Variants in INTS1 observed in about 807,000 individuals in gnomAD.
INTS1 encodes the protein integrator complex subunit 1.
INTS1 carries 137 observed loss-of-function variants against 241.6 expected under a neutral mutation model. The ratio of observed to expected loss-of-function variants is 0.57; its 90% CI spans 0.49 to 0.65. The LOEUF is 0.65. Ranked by LOEUF, INTS1 falls within the 30% of genes least tolerant of loss-of-function variation. INTS1 has a pLI of 0.00. For synonymous variants in INTS1, 1,692 were observed against 1,337.8 expected, an observed-to-expected ratio of 1.26 and a Z score of -5.78; for missense variants, 3,073 against 3,032.2, an observed-to-expected ratio of 1.01 and a Z score of -0.32.
rs1279528597 is a variant in INTS1 at position 1,470,361 on chromosome 7, G to A, written c.*216C>T. The A allele has an allele frequency of 2.0e-6, 1 of 503,736 alleles. No homozygotes were observed. The highest frequency in any genetic ancestry group is 3.8e-5 in the Admixed American group (1 of 26,252). The allele number at this position is 503,736 out of a possible 1,614,324, so 31.2% of individuals were successfully genotyped here. A position where few individuals can be genotyped will look rare whatever the true frequency, so the allele number is the denominator to read the frequency against. On this transcript the variant is annotated 3_prime_UTR_variant, in exon 48 of 48. Coordinates refer to ENST00000404767, the MANE Select transcript of INTS1 (RefSeq NM_001080453.3). ...TCCGCGGCAGGGCTGTGGCCCAGAA[G>A]GTGAATGAGGGCTTGCTGGACGGCC...
At position 1,502,981 on chromosome 7, in the gene INTS1, C is replaced by T; in HGVS notation, c.269G>A (p.Gly90Glu). The change falls in exon 3 of 48, where the codon GGG (glycine) becomes GAG (glutamate). Residue 90 changes from glycine (G) to glutamate (E), a missense_variant. Transcript: ENST00000404767. The stretch of plus-strand genomic sequence containing the variant: ...TGCCACTGCAGCCTCAGCCAGGCGC[C>T]CCAGGGCACTCAGAGGGGGTGTGGA... ...LSSTPPLSAL[G>E]RLAEAAVAEK... is the part of the protein sequence containing the mutation. 6.2e-7 allele frequency: 1 copy of T among 1,613,800 alleles called. No homozygotes were observed. Among genetic ancestry groups the T allele is most frequent in the Non-Finnish European group, 8.5e-7 (1 of 1,179,882 alleles).
chr7:1,474,341 C>A lies in INTS1; in HGVS notation c.5656G>T (p.Ala1886Ser), dbSNP rs751331218. 1 of 1,601,806 alleles carries A rather than the reference C, an allele frequency of 6.2e-7. No individual in the cohort carries two copies. Among genetic ancestry groups the A allele is most frequent in the Admixed American group, 1.7e-5 (1 of 59,600 alleles). The change falls in exon 41 of 48, where the codon GCG (alanine) becomes TCG (serine). Residue 1886 changes from alanine to serine, a missense_variant. Coordinates refer to ENST00000404767, the MANE Select transcript of INTS1 (RefSeq NM_001080453.3). ...LLLRHLPMIA[A>S]LLHGRTHLNF... ...AGGTGGGTGCGGCCGTGCAGGAGCG[C>A]CGCGATCATGGGCAGGTGCCTGCGG...
In INTS1 at chr7:1,481,282, G is replaced by T. The variant is rs1245775436; in HGVS notation, c.3850+60C>A. On this transcript the variant is annotated intron_variant, in intron 28 of 47. Transcript: ENST00000404767. This position sits in a 1 kb window ranked among gnomAD's most constrained non-coding sequence, Gnocchi z 6.8. Reference sequence around the variant, plus strand: ...GCTCGCACCCAGGCCCCAAAAGCCTGGCCGGGCTGGGGCTCGGTCAGCGTG... The same window carrying T: ...GCTCGCACCCAGGCCCCAAAAGCCTTGCCGGGCTGGGGCTCGGTCAGCGTG... 3 of 1,600,600 alleles carry T rather than the reference G, an allele frequency of 1.9e-6. No homozygotes were observed. The highest frequency in any genetic ancestry group is 2.2e-5 in the South Asian group (2 of 90,366).
At chr7:1,499,413 C>G in intron 6 of INTS1, 53 bp from the exon 7 acceptor site, 1 of 1,546,696 alleles carries the variant, frequency 6.5e-7, no homozygotes, top group East Asian at 2.3e-5. Flanking sequence ...CCCATCCTCC[C>G]ACCCCTCCCC....
rs59817562 is a variant in INTS1 at position 1,478,030 on chromosome 7, G to T, written c.4631-94C>A. ...CTAGCCAGGGTGGGGTGTGGGGTGA[G>T]CATGTGTGGGACACAAGAGCAGAGT... On this transcript the variant is annotated intron_variant, in intron 33 of 47. Transcript: ENST00000404767. The T allele has an allele frequency of 5.1e-3, 5,278 of 1,032,494 alleles. 116 individuals carry two copies. The African/African-American group carries it at 0.051, about 10-fold the overall frequency. The allele number at this position is 1,032,494 out of a possible 1,614,324, so 64.0% of individuals were successfully genotyped here.
Position 1,470,503 on chromosome 7 carries a change from T to A in INTS1, c.*74A>T. 8.3e-7 allele frequency: 1 copy of A among 1,206,142 alleles called. No homozygotes were observed. The highest frequency in any genetic ancestry group is 2.1e-4 in the Middle Eastern group (1 of 4,838). The allele number at this position is 1,206,142 out of a possible 1,614,324, so 74.7% of individuals were successfully genotyped here. A position where few individuals can be genotyped will look rare whatever the true frequency, so the allele number is the denominator to read the frequency against. ...TCGGACAGACCAGCAACGCCCACGC[T>A]TCCTGGGCTTTGCCTCGAGGATCCC... On this transcript the variant is annotated 3_prime_UTR_variant, in exon 48 of 48. Transcript: ENST00000404767.
chr7:1,471,602 C>T lies in INTS1; in HGVS notation c.6224G>A (p.Arg2075Gln), dbSNP rs1003603356. 1.9e-6 allele frequency: 3 copies of T among 1,612,450 alleles called. No homozygotes were observed. Among genetic ancestry groups the T allele is most frequent in the South Asian group, 1.1e-5 (1 of 91,084 alleles). ...GAAGCTCAGGATCTCGGGTCTCCGC[C>T]GGGACATCTCGTCTATGTCACTCAG... Reference protein sequence around the residue: ...EVLSDIDEMSRRRPEILSFFS... With the variant: ...EVLSDIDEMSQRRPEILSFFS... Residue 2075 changes from arginine (R) to glutamine (Q), a missense_variant, in exon 45 of 48, where the codon CGG (arginine) becomes CAG (glutamine). Coordinates refer to ENST00000404767, the MANE Select transcript of INTS1 (RefSeq NM_001080453.3).
At position 1,480,894 on chromosome 7, in the gene INTS1, C is replaced by A. The variant is rs200783222; in HGVS notation, c.3890G>T (p.Gly1297Val). The change falls in exon 29 of 48, where the codon GGC (glycine) becomes GTC (valine). Residue 1297 changes from glycine to valine, a missense_variant. By Grantham distance (109) the Gly-to-Val change is moderately radical (BLOSUM62 -3). Coordinates refer to ENST00000404767, the MANE Select transcript of INTS1 (RefSeq NM_001080453.3). Reference protein sequence around the residue: ...AHLVEVQHERGASGGQTFHSL... With the variant: ...AHLVEVQHERVASGGQTFHSL... ...GTGGAAAGTCTGGCCTCCGGAGGCGCCGCGCTCATGCTGGACCTCCACCAG... is the reference window on the plus strand; with the variant it reads ...GTGGAAAGTCTGGCCTCCGGAGGCGACGCGCTCATGCTGGACCTCCACCAG... 6.4e-7 allele frequency: 1 copy of A among 1,562,038 alleles called. No homozygotes were observed. Among genetic ancestry groups the A allele is most frequent in the African/African-American group, 1.4e-5 (1 of 73,768 alleles).
intron 22 of INTS1, 132 bp from the exon 23 acceptor site, chr7:1,485,601 C>A (rs1782221023): frequency 1.1e-6 from 1 of 925,080 alleles, no homozygotes; most frequent in African/African-American, 1.7e-5. Flanking sequence ...ACGGGAGAGG[C>A]CGCAGGTAAA....
At chr7:1,474,984 C>A (rs1033955067) in intron 39 of INTS1, 146 bp from the exon 40 acceptor site, 5 of 1,085,402 alleles carry the variant, frequency 4.6e-6, no homozygotes, top group Non-Finnish European at 6.4e-6. Context: ...TCCATGAGCA[C>A]CTCGGGAGGG....
chr7:1,499,677 A>C (rs777787712), intron 5 of INTS1, 45 bp from the exon 6 acceptor site: 2 of 1,557,848 alleles, frequency 1.3e-6, no homozygotes, highest in South Asian at 2.4e-5. Flanking sequence ...GCCGGGCAGC[A>C]GCCAGGTTGG....
intron 40 of INTS1, 130 bp downstream of exon 40, chr7:1,474,575 A>T: frequency 1.5e-6 from 2 of 1,328,856 alleles, no homozygotes; most frequent in South Asian, 2.9e-5. Context: ...TCCCCCGGTC[A>T]AGCTCAGCCC....
intron 12 of INTS1, 53 bp from the exon 13 acceptor site, chr7:1,495,606 C>T (rs1167794409): frequency 6.4e-7 from 1 of 1,571,436 alleles, no homozygotes; most frequent in Non-Finnish European, 8.6e-7. Flanking sequence ...CCATGAGGGG[C>T]TAAGGCACCC....
intron 29 of INTS1, 62 bp downstream of exon 29, chr7:1,480,773 C>CT: frequency 7.5e-7 from 1 of 1,338,712 alleles, no homozygotes; most frequent in Admixed American, 2.0e-5. Flanking sequence ...GGCTGGGTCT[C>CT]TGTGTTGGCC....
Position 1,500,347 on chromosome 7 carries a change from C to T in INTS1, c.369G>A (p.Leu123=). Residue 123 remains leucine, a synonymous_variant, in exon 4 of 48, where the codon CTG becomes CTA. Coordinates refer to ENST00000404767, the MANE Select transcript of INTS1 (RefSeq NM_001080453.3). ...CCAGCTCGGCCGCCTCGATCTCATC[C>T]AGCAGCACCGTGGGCAGCACTGGCC... is the stretch of plus-strand genomic sequence containing the variant. ...VPIEVLPTVL[L]DEIEAAELEG... 6.3e-7 allele frequency: 1 copy of T among 1,580,408 alleles called. No homozygotes were observed. Among genetic ancestry groups the T allele is most frequent in the African/African-American group, 1.3e-5 (1 of 74,612 alleles).
chr7:1,487,816 C>T lies in INTS1; in HGVS notation c.2460G>A (p.Gln820=). ...EGHLAAASTK[Q]TITESSSLLL... Reference sequence around the variant, plus strand: ...GGAGGCTGCTGCTCTCAGTGATGGTCTGCTTGGTGGACGCGGCCGCCAGGT... The same window carrying T: ...GGAGGCTGCTGCTCTCAGTGATGGTTTGCTTGGTGGACGCGGCCGCCAGGT... The change falls in exon 19 of 48, where the codon CAG becomes CAA. Residue 820 remains glutamine (Q), a synonymous_variant. Transcript: ENST00000404767. 3 of 1,612,740 alleles carry T rather than the reference C, an allele frequency of 1.9e-6. No homozygotes were observed. The highest frequency in any genetic ancestry group is 2.5e-6 in the Non-Finnish European group (3 of 1,179,834).
In INTS1 at chr7:1,475,844, G is replaced by C. The variant is rs577110986; in HGVS notation, c.5502+104C>G. ...CGGCGCGGACTGGGAAGGGGCAAGA[G>C]GGGTAGCCGGCGATGGCCATGTACA... On this transcript the variant is annotated intron_variant, in intron 39 of 47. Transcript: ENST00000404767. 1.7e-5 allele frequency: 23 copies of C among 1,387,598 alleles called. No individual in the cohort carries two copies. The African/African-American group carries it at 3.1e-4, about 19-fold the overall frequency. The allele number at this position is 1,387,598 out of a possible 1,614,324, so 86.0% of individuals were successfully genotyped here.
At chr7:1,478,661 G>A (rs1019097817) in intron 32 of INTS1, 65 bp downstream of exon 32, 38 of 1,493,842 alleles carry the variant, frequency 2.5e-5, no homozygotes, top group East Asian at 7.5e-5. Context: ...CAGGCAGCTT[G>A]GCCACTCTGA....
At chr7:1,498,943 G>GGGGCCCCCC in intron 8 of INTS1, 32 bp downstream of exon 8, 1 of 1,070,748 alleles carries the variant, frequency 9.3e-7, no homozygotes, top group Non-Finnish European at 1.3e-6. Context: ...CCCACCCCCT[G>GGGGCCCCCC]CCCCGCCCAC....
Sources: allele counts gnomAD v4.1 joint callset, GRCh38; gene constraint gnomAD v4.1.1; non-coding constraint Gnocchi (gnomAD v3.1); transcripts MANE v1.5; gene names NCBI Gene and HGNC (gene_info 2026-07-23, HGNC 2026-07-21).